The following TTLL11 variants were observed in gnomAD, a reference collection of about 807,000 sequenced individuals.
TTLL11 encodes the protein tubulin tyrosine ligase like 11.
Under a neutral mutation model 51.7 loss-of-function variants are expected in TTLL11, and 42 were observed. That is an observed-to-expected ratio of 0.81 (90% CI 0.64 to 1.05). The LOEUF (loss-of-function observed/expected upper bound fraction) is 1.05. Among genes scored for constraint, TTLL11 ranks in the 50% least tolerant of loss-of-function variants. The pLI is 0.00. For missense variants in TTLL11, 799 were observed against 940.4 expected (o/e 0.85, Z 1.97); for synonymous variants, 381 against 383.5 (o/e 0.99, Z 0.08).
chr9:121,842,988 C>T (rs902831677), intron 8 of TTLL11, among the ~76,000 whole-genome samples: 2 of 152,086 alleles, frequency 1.3e-5, no homozygotes, highest in Non-Finnish European at 2.9e-5. Context: ...GGGAGATGTG[C>T]GAAATGCTAA....
chr9:121,964,065 T>C (rs1391491767), intron 6 of TTLL11, among the ~76,000 whole-genome samples: 1 of 151,254 alleles, frequency 6.6e-6, no homozygotes, highest in Non-Finnish European at 1.5e-5. Flanking sequence ...AAAATACACA[T>C]ATACACAAAA....
At position 122,031,783 on chromosome 9, in the gene TTLL11, C is replaced by T; in HGVS notation, c.633G>A (p.Glu211=). The T allele has an allele frequency of 6.2e-7, 1 of 1,613,880 alleles. No homozygotes were observed. Among genetic ancestry groups the T allele is most frequent in the Non-Finnish European group, 8.5e-7 (1 of 1,180,030 alleles). ...TCCATGAGCGAGGGTAGAAGTTGTA[C>T]TCCTCAGGAAAGAGATTCTGCATGG... is the stretch of plus-strand genomic sequence containing the variant. ...VRTMQNLFPE[E]YNFYPRSWIL... The change falls in exon 3 of 9, where the codon GAG becomes GAA. Residue 211 remains glutamate, a synonymous_variant. Coordinates refer to ENST00000321582, the MANE Select transcript of TTLL11 (RefSeq NM_001139442.2).
chr9:121,946,563 G>T (rs574731668), intron 6 of TTLL11, among the ~76,000 whole-genome samples: 108 of 152,114 alleles, frequency 7.1e-4, no homozygotes, highest in Non-Finnish European at 1.2e-3. Context: ...CAGTTACCAG[G>T]TTACCACACA....
At chr9:122,025,398 C>T (rs1171366016) in intron 3 of TTLL11, among the ~76,000 whole-genome samples, 3 of 152,160 alleles carry the variant, frequency 2.0e-5, no homozygotes, top group Non-Finnish European at 2.9e-5. Flanking sequence ...TTTTGGAGGC[C>T]GAGGCAGGTG....
chr9:121,836,623 C>T (rs1837185928), intron 8 of TTLL11, among the ~76,000 whole-genome samples: 1 of 152,234 alleles, frequency 6.6e-6, no homozygotes, highest in African/African-American at 2.4e-5. Context: ...ACCATGACCA[C>T]TCAGTTCTGC....
chr9:121,879,593 G>C (rs1225923440), intron 6 of TTLL11, among the ~76,000 whole-genome samples: 1 of 152,224 alleles, frequency 6.6e-6, no homozygotes, highest in African/African-American at 2.4e-5. Context: ...TCACTGACTT[G>C]AGGTGAGGCA....
chr9:121,902,542 T>C lies in TTLL11; in HGVS notation c.1482-31794A>G, dbSNP rs564845148. Among the ~76,000 whole-genome samples, 12 of 152,276 alleles carry C rather than the reference T, an allele frequency of 7.9e-5. No individual in the cohort carries two copies. The East Asian group carries it at 2.3e-3, about 29-fold the overall frequency. ...TAGGCTTAGTGTGTCTTTAATTGTG[T>C]GCAGCTGGGTTTATGCTTGATCTGT... On this transcript the variant is annotated intron_variant, in intron 6 of 8. Transcript: ENST00000321582.
At chr9:121,966,724 G>C (rs1177143970) in intron 6 of TTLL11, among the ~76,000 whole-genome samples, 1 of 152,096 alleles carries the variant, frequency 6.6e-6, no homozygotes, top group South Asian at 2.1e-4. Flanking sequence ...GGCAAACATT[G>C]GTGTAGGAGT....
At chr9:121,835,219 C>T (rs1287275323) in intron 8 of TTLL11, among the ~76,000 whole-genome samples, 3 of 152,154 alleles carry the variant, frequency 2.0e-5, no homozygotes, top group African/African-American at 7.2e-5. Context: ...ACATTCTGCC[C>T]ACCAGGATTC....
chr9:121,886,976 G>A (rs760020264), intron 6 of TTLL11, among the ~76,000 whole-genome samples: 13 of 152,122 alleles, frequency 8.5e-5, no homozygotes, highest in East Asian at 1.9e-4. Flanking sequence ...TGGGATGAAC[G>A]GGCAGCCAGC....
intron 6 of TTLL11, among the ~76,000 whole-genome samples, chr9:121,934,167 A>T (rs1429807329): frequency 6.6e-6 from 1 of 152,040 alleles, no homozygotes; most frequent in African/African-American, 2.4e-5. Flanking sequence ...CGGGAGGTGG[A>T]GGTTATGGTG....
At chr9:122,088,754 C>G (rs1019992379) in intron 1 of TTLL11, among the ~76,000 whole-genome samples, 6 of 152,060 alleles carry the variant, frequency 3.9e-5, no homozygotes, top group African/African-American at 1.4e-4. Context: ...GCCTGTAATC[C>G]CAGCATTTTG....
chr9:122,090,081 A>G (rs1329523704), intron 1 of TTLL11, among the ~76,000 whole-genome samples: 6 of 152,154 alleles, frequency 3.9e-5, no homozygotes, highest in East Asian at 1.9e-4. Context: ...GAAAAAGCCT[A>G]CCCACTGGGG....
chr9:121,938,954 A>AG (rs1841341683), intron 6 of TTLL11, among the ~76,000 whole-genome samples: 1 of 152,224 alleles, frequency 6.6e-6, no homozygotes, highest in South Asian at 2.1e-4. Flanking sequence ...TGCAAGGGAT[A>AG]AGGCAGCAAA....
intron 1 of TTLL11, among the ~76,000 whole-genome samples, chr9:122,088,613 T>C (rs575446717): frequency 6.6e-6 from 1 of 152,268 alleles, no homozygotes; most frequent in Admixed American, 6.5e-5. Context: ...CAATTGTATA[T>C]ATGTAGAGCA....
chr9:122,008,284 TAA>T (rs1843707515), intron 3 of TTLL11, among the ~76,000 whole-genome samples: 2 of 152,078 alleles, frequency 1.3e-5, no homozygotes, highest in East Asian at 3.9e-4. Context: ...GTCGACCAAA[TAA>T]AGAGACAACC....
chr9:121,945,744 A>C (rs909080463), intron 6 of TTLL11, among the ~76,000 whole-genome samples: 3 of 152,254 alleles, frequency 2.0e-5, no homozygotes, highest in Non-Finnish European at 4.4e-5. Flanking sequence ...TTAAAAGTCA[A>C]TGTCCATGTC....
rs562823707 is a variant in TTLL11, at chr9:122,068,995, G to A, written c.462+23692C>T. 1.1e-4 allele frequency among the ~76,000 whole-genome samples: 16 copies of A among 152,258 alleles called. No homozygotes were observed. In the East Asian group the frequency reaches 2.3e-3, roughly 22 times the overall value. On this transcript the variant is annotated intron_variant, in intron 1 of 8. Coordinates refer to ENST00000321582, the MANE Select transcript of TTLL11 (RefSeq NM_001139442.2). ...GACGGATCTTGCGCCCCTGAATGAC[G>A]ACCCTGCCAAGGTGAAAGTGGCGCA...
At chr9:121,985,728 G>T (rs933268760) in intron 4 of TTLL11, among the ~76,000 whole-genome samples, 1 of 151,930 alleles carries the variant, frequency 6.6e-6, no homozygotes, top group Non-Finnish European at 1.5e-5. Context: ...CACCATGTTA[G>T]CCAGGATGGA....
Sources: allele counts gnomAD v4.1 joint callset (sites outside exome capture counted in the v4.1 genomes callset), GRCh38; gene constraint gnomAD v4.1.1; transcripts MANE v1.5; gene names NCBI Gene and HGNC (gene_info 2026-07-23, HGNC 2026-07-21).